GNS: variants seen among roughly 807,000 people sequenced by gnomAD.
GNS encodes the protein glucosamine (N-acetyl)-6-sulfatase, also known as N-acetylglucosamine-6-sulfatase.
In GNS, 40 loss-of-function variants were observed where a neutral mutation model predicts 69.7. The ratio of observed to expected loss-of-function variants is 0.57; its 90% CI spans 0.45 to 0.75. The LOEUF (loss-of-function observed/expected upper bound fraction) is 0.75. Among genes scored for constraint, GNS ranks in the 30% least tolerant of loss-of-function variants. The pLI is 0.00. For missense variants in GNS, 565 were observed against 685.5 expected, an observed-to-expected ratio of 0.82 and a Z score of 1.96; for synonymous variants, 243 against 251.6, an observed-to-expected ratio of 0.97 and a Z score of 0.32.
intron 13 of GNS, among the ~76,000 whole-genome samples, chr12:64,718,319 T>TAAG (rs1868927546): frequency 6.6e-6 from 1 of 151,796 alleles, no homozygotes; most frequent in African/African-American, 2.4e-5. Context: ...AAGTAGTTCA[T>TAAG]GCTAACATCA....
At chr12:64,729,096 G>A (rs1565882505) in intron 9 of GNS, 39 bp from the exon 10 acceptor site, 2 of 1,082,736 alleles carry the variant, frequency 1.8e-6, no homozygotes, top group South Asian at 1.2e-5. Context: ...AACACAGCTG[G>A]TCTCATTTTC....
chr12:64,743,941 T>C (rs1869822593), intron 5 of GNS, among the ~76,000 whole-genome samples: 1 of 152,222 alleles, frequency 6.6e-6, no homozygotes, highest in Non-Finnish European at 1.5e-5. Context: ...ACTCAACAGA[T>C]ACTGACTGTA....
At chr12:64,742,714 G>A (rs531339827) in intron 6 of GNS, among the ~76,000 whole-genome samples, 2 of 152,278 alleles carry the variant, frequency 1.3e-5, no homozygotes, top group South Asian at 2.1e-4. Flanking sequence ...TCTTAATCAT[G>A]TCACCTCGTT....
chr12:64,722,667 C>G lies in GNS; in HGVS notation c.1308+339G>C, dbSNP rs1245174. 0.62 allele frequency among the ~76,000 whole-genome samples: 94,670 copies of G among 152,100 alleles called. 29,838 individuals are homozygous for G. Among genetic ancestry groups the G allele is most frequent in the East Asian group, 0.88 (4,526 of 5,164 alleles). ...ATGGTTACAGGCAGGAACCACATCT[C>G]TCTACTGCATGCCTCAGTAACATTA... On this transcript the variant is annotated intron_variant, in intron 11 of 13. Coordinates refer to ENST00000258145, the MANE Select transcript of GNS (RefSeq NM_002076.4).
chr12:64,721,648 T>C lies in GNS; in HGVS notation c.1366A>G (p.Arg456Gly). ...AAATTCCACAATGCTGACATTGTCC[T>C]CACACAGGCATAGGTATTGTTATAA... is the stretch of plus-strand genomic sequence containing the variant. ...DAYNNTYACV[R>G]TMSALWNLQY... The change falls in exon 12 of 14, where the codon AGG (arginine) becomes GGG (glycine). Residue 456 changes from arginine to glycine, a missense_variant. Arg to Gly is a moderately radical substitution (Grantham distance 125). Coordinates refer to ENST00000258145, the MANE Select transcript of GNS (RefSeq NM_002076.4). 6.2e-7 allele frequency: 1 copy of C among 1,602,082 alleles called. No homozygotes were observed. The highest frequency in any genetic ancestry group is 8.6e-7 in the Non-Finnish European group (1 of 1,169,084).
chr12:64,733,495 CAAAGA>C (rs903590065), intron 9 of GNS, among the ~76,000 whole-genome samples: 1 of 152,018 alleles, frequency 6.6e-6, no homozygotes, highest in Non-Finnish European at 1.5e-5. Flanking sequence ...GTAGAGTTAT[CAAAGA>C]AAAGGCTCCA....
chr12:64,757,092 C>A (rs1414751958), intron 1 of GNS, among the ~76,000 whole-genome samples: 1 of 152,136 alleles, frequency 6.6e-6, no homozygotes, highest in Non-Finnish European at 1.5e-5. Flanking sequence ...GGCAGGAGGA[C>A]TGCTTGAGAC....
chr12:64,729,096 GT>G (rs767786695), intron 9 of GNS, 39 bp from the exon 10 acceptor site: 48 of 1,082,738 alleles, frequency 4.4e-5, no homozygotes, highest in Non-Finnish European at 6.6e-5. Context: ...AACACAGCTG[GT>G]CTCATTTTCC....
In GNS at chr12:64,743,254, T is replaced by A. The variant is rs901034074; in HGVS notation, c.679A>T (p.Met227Leu). ...DYKSNFEPFF[M>L]MIATPAPHSP... Reference sequence around the variant, plus strand: ...TGAGGCGCTGGAGTGGCGATCATCATGAAGAAGGGCTCAAAGTTGGACTTG... The same window carrying A: ...TGAGGCGCTGGAGTGGCGATCATCAAGAAGAAGGGCTCAAAGTTGGACTTG... The change falls in exon 6 of 14, where the codon ATG becomes TTG. Residue 227 changes from methionine (M) to leucine (L), a missense_variant. This residue lies in a region of GNS where 384 missense variants were observed against 511.0 expected (regional missense o/e 0.75). Transcript: ENST00000258145. The A allele has an allele frequency of 1.9e-6, 3 of 1,613,076 alleles. No individual in the cohort carries two copies. The African/African-American group carries it at 4.0e-5, about 22-fold the overall frequency.
At chr12:64,739,937 T>C (rs1270738464) in intron 7 of GNS, among the ~76,000 whole-genome samples, 2 of 152,230 alleles carry the variant, frequency 1.3e-5, no homozygotes, top group East Asian at 3.8e-4. Context: ...ATGTTTGAAC[T>C]AGGAGCTGGC....
chr12:64,735,133 A>C (rs933919291), intron 9 of GNS, among the ~76,000 whole-genome samples: 1 of 152,122 alleles, frequency 6.6e-6, no homozygotes, highest in Non-Finnish European at 1.5e-5. Flanking sequence ...AAACAAAACA[A>C]AACTCATCTT....
rs1868772801 is a variant in GNS at position 64,713,477 on chromosome 12, A to G, written c.*3264T>C. 6.6e-6 allele frequency: 1 copy of G among 152,670 alleles called. No homozygotes were observed. The highest frequency in any genetic ancestry group is 2.1e-4 in the South Asian group (1 of 4,834). 9.5% of individuals were successfully genotyped at this position (152,670 alleles called of 1,614,324 possible). On this transcript the variant is annotated 3_prime_UTR_variant, in exon 14 of 14. Transcript: ENST00000258145. ...AACAGAAATAAATTTTAATTCATTG[A>G]AAAGTGCAGCAGTGAACAGGGTCCT...
At position 64,740,503 on chromosome 12, in the gene GNS, T is replaced by C; in HGVS notation, c.875+103A>G. On this transcript the variant is annotated intron_variant, in intron 7 of 13. Coordinates refer to ENST00000258145, the MANE Select transcript of GNS (RefSeq NM_002076.4). ...TCTCTCCCACTGACTTGCTTCCCTCTGTTTTTGTTTCAGAGACAACAATGT... is the reference window on the plus strand; with the variant it reads ...TCTCTCCCACTGACTTGCTTCCCTCCGTTTTTGTTTCAGAGACAACAATGT... 1.0e-5 allele frequency: 8 copies of C among 770,418 alleles called. No individual in the cohort carries two copies. The South Asian group carries it at 1.1e-4, about 11-fold the overall frequency. 47.7% of individuals were successfully genotyped at this position (770,418 alleles called of 1,614,324 possible).
rs138335335 is a variant in GNS at position 64,729,003 on chromosome 12, C to T, written c.1153G>A (p.Asp385Asn). The T allele has an allele frequency of 1.2e-5, 20 of 1,604,888 alleles. No homozygotes were observed. The highest frequency in any genetic ancestry group is 6.7e-5 in the East Asian group (3 of 44,824). Reference protein sequence around the residue: ...GPTILDIAGYDLNKTQMDGMS... With the variant: ...GPTILDIAGYNLNKTQMDGMS... ...CCATCCATCTGTGTCTTATTTAGGT[C>T]GTAGCCAGCAATGTCCAAAATAGTA... The change falls in exon 10 of 14, where the codon GAC becomes AAC. Residue 385 changes from aspartate (D) to asparagine (N), a missense_variant. By Grantham distance (23) the Asp-to-Asn change is conservative (BLOSUM62 1). This residue lies in a region of GNS where 384 missense variants were observed against 511.0 expected (regional missense o/e 0.75). Transcript: ENST00000258145.
chr12:64,745,833 G>A, intron 3 of GNS, 109 bp from the exon 4 acceptor site: 2 of 746,312 alleles, frequency 2.7e-6, no homozygotes, highest in Non-Finnish European at 2.4e-6. Context: ...AACATAGTAG[G>A]TACCTAATTT....
chr12:64,725,069 A>T (rs1869153099), intron 10 of GNS, among the ~76,000 whole-genome samples: 1 of 152,198 alleles, frequency 6.6e-6, no homozygotes, highest in South Asian at 2.1e-4. Context: ...GGAAACTTGA[A>T]AAATCCCAAG....
chr12:64,747,936 C>T lies in GNS; in HGVS notation c.253-18G>A. The T allele has an allele frequency of 1.5e-6, 2 of 1,320,144 alleles. No homozygotes were observed. Among genetic ancestry groups the T allele is most frequent in the Non-Finnish European group, 2.2e-6 (2 of 917,458 alleles). The allele number at this position is 1,320,144 out of a possible 1,614,324, so 81.8% of individuals were successfully genotyped here. On this transcript the variant is annotated intron_variant, in intron 2 of 13. Transcript: ENST00000258145. ...GGCACATACTACAAAGGAAAGGAAG[C>T]AAAAACGACAAAGTCACACAAGAAA...
chr12:64,724,345 G>A (rs866849123), intron 10 of GNS, among the ~76,000 whole-genome samples: 2 of 152,180 alleles, frequency 1.3e-5, no homozygotes, highest in Non-Finnish European at 2.9e-5. Context: ...GGCAATTCTG[G>A]GGAATGCCTG....
intron 10 of GNS, among the ~76,000 whole-genome samples, chr12:64,724,965 C>T (rs541605856): frequency 1.7e-4 from 26 of 152,286 alleles, no homozygotes; most frequent in Non-Finnish European, 3.4e-4. Flanking sequence ...TTCAAAATCC[C>T]ACCCTTGAAT....
Sources: allele counts gnomAD v4.1 joint callset (sites outside exome capture counted in the v4.1 genomes callset), GRCh38; gene constraint gnomAD v4.1.1; regional missense constraint gnomAD v4.1.1; transcripts MANE v1.5; gene names NCBI Gene and HGNC (gene_info 2026-07-23, HGNC 2026-07-21).